The following DHX32 variants were observed in gnomAD, a reference collection of about 807,000 sequenced individuals.
The protein encoded by DHX32 is putative pre-mRNA-splicing factor ATP-dependent RNA helicase DHX32.
DHX32 carries 51 observed loss-of-function variants against 70.0 expected under a neutral mutation model. The ratio of observed to expected loss-of-function variants is 0.73; its 90% CI spans 0.58 to 0.92. The LOEUF (loss-of-function observed/expected upper bound fraction) is 0.92. Among genes scored for constraint, DHX32 ranks in the 40% least tolerant of loss-of-function variants. DHX32 has a pLI of 0.00. For missense variants in DHX32, 762 were observed against 891.8 expected, an observed-to-expected ratio of 0.85 and a Z score of 1.85; for synonymous variants, 310 against 315.3, an observed-to-expected ratio of 0.98 and a Z score of 0.18.
chr10:125,838,369 C>T lies in DHX32; in HGVS notation c.1900G>A (p.Gly634Arg), dbSNP rs777495871. Reference protein sequence around the residue: ...YFMQIARDVDGSGNYLMLTHK... With the variant: ...YFMQIARDVDRSGNYLMLTHK... ...GTCAGCATTAAGTAGTTACCTGATC[C>T]ATCAACATCCCGAGCAATCTGAAAG... The change falls in exon 10 of 11, where the codon GGA becomes AGA. Residue 634 changes from glycine (G) to arginine (R), a missense_variant. Around this residue, in one of 3 missense-constraint regions of DHX32, gnomAD observed 366 missense variants for 402.6 expected, o/e 0.91. Coordinates refer to ENST00000284690, the MANE Select transcript of DHX32 (RefSeq NM_018180.3). 2 of 1,588,976 alleles carry T rather than the reference C, an allele frequency of 1.3e-6. No individual in the cohort carries two copies. Among genetic ancestry groups the T allele is most frequent in the Non-Finnish European group, 1.7e-6 (2 of 1,171,878 alleles).
At position 125,838,302 on chromosome 10, in the gene DHX32, GAGT is replaced by G; in HGVS notation, c.1964_1966del (p.Tyr655del). On this transcript the variant is annotated inframe_deletion, in exon 10 of 11. Coordinates refer to ENST00000284690, the MANE Select transcript of DHX32 (RefSeq NM_018180.3). Reference sequence around the variant, plus strand: ...CCACTCTGGCATCTTCTTGGTGATTGAGTAACCAGACAGGGGATGCAGCTGAGC... The same window carrying G: ...CCACTCTGGCATCTTCTTGGTGATTGAACCAGACAGGGGATGCAGCTGAGC... 1 of 1,613,934 alleles carries G rather than the reference GAGT, an allele frequency of 6.2e-7. No individual in the cohort carries two copies. The highest frequency in any genetic ancestry group is 8.5e-7 in the Non-Finnish European group (1 of 1,179,990).
chr10:125,866,873 T>C lies in DHX32; in HGVS notation c.476+117A>G. Reference sequence around the variant, plus strand: ...TGGCTGGCTGATGACAGAGACCAGTTGCTACTGCACAGCATAGATGCTTAA... The same window carrying C: ...TGGCTGGCTGATGACAGAGACCAGTCGCTACTGCACAGCATAGATGCTTAA... On this transcript the variant is annotated intron_variant, in intron 2 of 10. Transcript: ENST00000284690. The surrounding 1 kb of genome is among the most constrained non-coding windows in gnomAD (Gnocchi z 4.8). The C allele has an allele frequency of 3.7e-6, 4 of 1,073,518 alleles. No individual in the cohort carries two copies. In the South Asian group the frequency reaches 5.0e-5, roughly 14 times the overall value. 66.5% of individuals were successfully genotyped at this position (1,073,518 alleles called of 1,614,324 possible).
intron 1 of DHX32, chr10:125,869,392 A>G (rs1944242761): frequency 6.6e-6 from 1 of 152,218 alleles, no homozygotes; most frequent in African/African-American, 2.4e-5. Flanking sequence ...CCTGGTCAAC[A>G]TGGGGAAACC....
rs368660749 is a variant in DHX32 at position 125,839,122 on chromosome 10, A to T, written c.1760T>A (p.Ile587Asn). The T allele has an allele frequency of 6.8e-6, 11 of 1,614,254 alleles. No homozygotes were observed. In the African/African-American group the frequency reaches 1.2e-4, roughly 18 times the overall value. ...NCSALRMADVIRAELLEIIKR... is the reference protein window; with the variant it reads ...NCSALRMADVNRAELLEIIKR... ...GATAATTTCTAAGAGTTCAGCTCGA[A>T]TAACATCTGCCATTCTGAGTGCTGA... is the stretch of plus-strand genomic sequence containing the variant. Residue 587 changes from isoleucine to asparagine, a missense_variant, in exon 9 of 11, where the codon ATT (isoleucine) becomes AAT (asparagine). This residue lies in a region of DHX32 where 366 missense variants were observed against 402.6 expected (regional missense o/e 0.91). Coordinates refer to ENST00000284690, the MANE Select transcript of DHX32 (RefSeq NM_018180.3).
intron 6 of DHX32, among the ~76,000 whole-genome samples, chr10:125,851,506 G>A (rs983918157): frequency 6.6e-6 from 1 of 152,170 alleles, no homozygotes; most frequent in African/African-American, 2.4e-5. Flanking sequence ...GCAAGAAGAT[G>A]CCTAGGAAAT....
At chr10:125,851,821 TGTG>T (rs1944092800) in intron 6 of DHX32, among the ~76,000 whole-genome samples, 1 of 149,934 alleles carries the variant, frequency 6.7e-6, no homozygotes, top group Admixed American at 6.7e-5. Context: ...TTTGGGAAGC[TGTG>T]GTGGGAGGAT....
intron 4 of DHX32, 97 bp from the exon 5 acceptor site, chr10:125,852,739 A>G (rs1304151319): frequency 3.7e-6 from 4 of 1,089,588 alleles, no homozygotes; most frequent in African/African-American, 3.2e-5. Flanking sequence ...ACTTTACTCC[A>G]TGAAATGCAC....
chr10:125,840,991 T>C lies in DHX32; in HGVS notation c.1549A>G (p.Asn517Asp), dbSNP rs759245344. ...CCATGTGGCACATGTGAAAAGCAATTTGGAGCTTCAAAATGAAAAAGGTCA... is the reference window on the plus strand; with the variant it reads ...CCATGTGGCACATGTGAAAAGCAATCTGGAGCTTCAAAATGAAAAAGGTCA... ...LTIAAMVTAPNCFSHVPHGAE... is the reference protein window; with the variant it reads ...LTIAAMVTAPDCFSHVPHGAE... The change falls in exon 8 of 11, where the codon AAT becomes GAT. Residue 517 changes from asparagine (N) to aspartate (D), a missense_variant. This residue lies in a region of DHX32 where 366 missense variants were observed against 402.6 expected (regional missense o/e 0.91). Coordinates refer to ENST00000284690, the MANE Select transcript of DHX32 (RefSeq NM_018180.3). 2.5e-6 allele frequency: 4 copies of C among 1,595,992 alleles called. No individual in the cohort carries two copies. The highest frequency in any genetic ancestry group is 3.5e-5 in the Admixed American group (2 of 57,112).
intron 1 of DHX32, among the ~76,000 whole-genome samples, chr10:125,887,146 T>C (rs1475688348): frequency 6.6e-6 from 1 of 152,216 alleles, no homozygotes; most frequent in African/African-American, 2.4e-5. Flanking sequence ...TCATTCATAA[T>C]CTAATAGGTC....
chr10:125,839,074 G>T lies in DHX32; in HGVS notation c.1808C>A (p.Ala603Glu). 5 of 1,614,186 alleles carry T rather than the reference G, an allele frequency of 3.1e-6. No individual in the cohort carries two copies. Among genetic ancestry groups the T allele is most frequent in the Non-Finnish European group, 4.2e-6 (5 of 1,180,034 alleles). The change falls in exon 9 of 11, where the codon GCA (alanine) becomes GAA (glutamate). Residue 603 changes from alanine (A) to glutamate (E), a missense_variant. Ala to Glu is a moderately radical substitution (Grantham distance 107). This residue lies in a region of DHX32 where 366 missense variants were observed against 402.6 expected (regional missense o/e 0.91). Coordinates refer to ENST00000284690, the MANE Select transcript of DHX32 (RefSeq NM_018180.3). The stretch of plus-strand genomic sequence containing the variant: ...TTCCTTGGAGCCAAAAGCAGGTTCT[G>T]CATAGGGAAGCTCGATTCGCTTGAT... ...EIIKRIELPY[A>E]EPAFGSKENT...
chr10:125,894,269 C>T (rs1944390468), intron 1 of DHX32, among the ~76,000 whole-genome samples: 1 of 152,138 alleles, frequency 6.6e-6, no homozygotes, highest in African/African-American at 2.4e-5. Context: ...GTGTTTTCTC[C>T]AATAGTAAAG....
At chr10:125,872,870 G>C (rs1944263448) in intron 1 of DHX32, among the ~76,000 whole-genome samples, 1 of 152,204 alleles carries the variant, frequency 6.6e-6, no homozygotes, top group Admixed American at 6.5e-5. Context: ...GCTGCTATGA[G>C]AGTAGGTAAG....
At chr10:125,878,312 C>T (rs78169929) in intron 1 of DHX32, among the ~76,000 whole-genome samples, 6,320 of 152,242 alleles carry the variant, frequency 0.042, 218 homozygotes, top group African/African-American at 0.091. Flanking sequence ...ATAAGGGCAT[C>T]TCCCTCTCTG....
chr10:125,877,004 C>T (rs754234285), intron 1 of DHX32, among the ~76,000 whole-genome samples: 1 of 152,066 alleles, frequency 6.6e-6, no homozygotes, highest in African/African-American at 2.4e-5. Context: ...CCTCAACCTA[C>T]CCCTAAATGG....
chr10:125,850,262 G>A (rs1420015206), intron 6 of DHX32, among the ~76,000 whole-genome samples: 1 of 150,568 alleles, frequency 6.6e-6, no homozygotes, highest in Non-Finnish European at 1.5e-5. Flanking sequence ...ACAGGTGTGA[G>A]CCACCATGCC....
Position 125,859,698 on chromosome 10 carries a change from G to C in DHX32, c.754C>G (p.Gln252Glu). 6.2e-7 allele frequency: 1 copy of C among 1,613,938 alleles called. No individual in the cohort carries two copies. Among genetic ancestry groups the C allele is most frequent in the East Asian group, 2.2e-5 (1 of 44,870 alleles). ...AAAATAGACTCAAAAGAATCCTTTT[G>C]AGCCTCACTAAGGTACACAACCTCC... ...PVEVVYLSEA[Q>E]KDSFESILRL... The change falls in exon 3 of 11, where the codon CAA (glutamine) becomes GAA (glutamate). Residue 252 changes from glutamine to glutamate, a missense_variant. By Grantham distance (29) the Gln-to-Glu change is conservative (BLOSUM62 2). This residue lies in a region of DHX32 where 394 missense variants were observed against 473.1 expected (regional missense o/e 0.83). Coordinates refer to ENST00000284690, the MANE Select transcript of DHX32 (RefSeq NM_018180.3).
At chr10:125,887,065 T>C (rs1379005343) in intron 1 of DHX32, among the ~76,000 whole-genome samples, 1 of 152,220 alleles carries the variant, frequency 6.6e-6, no homozygotes, top group Non-Finnish European at 1.5e-5. Context: ...AAATAGTGAA[T>C]GAGTCATTTT....
intron 6 of DHX32, among the ~76,000 whole-genome samples, chr10:125,850,132 AT>A (rs901504110): frequency 8.5e-6 from 1 of 117,374 alleles, no homozygotes. Flanking sequence ...CACCTGGCTC[AT>A]TAAAAAAAAA....
At chr10:125,883,580 G>A (rs1278983265), upstream of DHX32, among the ~76,000 whole-genome samples, 1 of 152,074 alleles carries the variant, frequency 6.6e-6, no homozygotes, top group Non-Finnish European at 1.5e-5. Context: ...GCCTCCAGAT[G>A]ACTGCAACCC....
Sources: allele counts gnomAD v4.1 joint callset (sites outside exome capture counted in the v4.1 genomes callset), GRCh38; gene constraint gnomAD v4.1.1; regional missense constraint gnomAD v4.1.1; non-coding constraint Gnocchi (gnomAD v3.1); transcripts MANE v1.5; gene names NCBI Gene and HGNC (gene_info 2026-07-23, HGNC 2026-07-21).